Variants in LINGO2 observed in about 807,000 individuals in gnomAD.
LINGO2 encodes the protein leucine-rich repeat and immunoglobulin-like domain-containing nogo receptor-interacting protein 2.
In LINGO2, 14 loss-of-function variants were observed where a neutral mutation model predicts 30.6. The ratio of observed to expected loss-of-function variants is 0.46; its 90% CI spans 0.30 to 0.72. The LOEUF is 0.72. Ranked by LOEUF, LINGO2 falls within the 30% of genes least tolerant of loss-of-function variation. The pLI, the probability that LINGO2 is intolerant of heterozygous loss-of-function variation, is 0.07. For synonymous variants in LINGO2, 317 were observed against 288.5 expected, an observed-to-expected ratio of 1.10 and a Z score of -1.00; for missense variants, 729 against 751.7, an observed-to-expected ratio of 0.97 and a Z score of 0.35.
chr9:28,754,337 T>C, the LINGO2 span, among the ~76,000 whole-genome samples: 2 of 152,084 alleles, frequency 1.3e-5, no homozygotes, highest in Non-Finnish European at 2.9e-5. Context: ...TTGTAACGCA[T>C]ATGTGTCTGA....
the LINGO2 span, among the ~76,000 whole-genome samples, chr9:28,800,416 C>G: frequency 6.6e-6 from 1 of 152,084 alleles, no homozygotes; most frequent in Non-Finnish European, 1.5e-5. Context: ...AGTTACCTCT[C>G]TAGAGACTGT....
chr9:28,560,174 T>C (rs1338773155), intron 1 of LINGO2, among the ~76,000 whole-genome samples: 1 of 151,984 alleles, frequency 6.6e-6, no homozygotes, highest in African/African-American at 2.4e-5. Context: ...TGAGGATTAA[T>C]AGTATGTATC....
chr9:29,168,309 A>G, the LINGO2 span, among the ~76,000 whole-genome samples: 2 of 152,144 alleles, frequency 1.3e-5, no homozygotes, highest in Non-Finnish European at 2.9e-5. Context: ...TGTATGTTTG[A>G]TGTAATAGAC....
intron 4 of LINGO2, among the ~76,000 whole-genome samples, chr9:28,223,485 C>A (rs1587262192): frequency 6.6e-6 from 1 of 152,266 alleles, no homozygotes; most frequent in East Asian, 1.9e-4. Flanking sequence ...GTTACACTGG[C>A]CATTAAGTTT....
the LINGO2 span, among the ~76,000 whole-genome samples, chr9:28,793,901 A>C: frequency 3.3e-5 from 5 of 152,172 alleles, no homozygotes; most frequent in African/African-American, 1.2e-4. Flanking sequence ...ACACTATTTA[A>C]GGAACTGGGA....
chr9:28,592,119 G>A (rs1277128206), intron 1 of LINGO2, among the ~76,000 whole-genome samples: 2 of 152,054 alleles, frequency 1.3e-5, no homozygotes, highest in African/African-American at 2.4e-5. Context: ...TGTTCCTAGT[G>A]TTGTGGAACA....
the LINGO2 span, among the ~76,000 whole-genome samples, chr9:28,677,969 C>A: frequency 6.6e-6 from 1 of 151,738 alleles, no homozygotes; most frequent in Non-Finnish European, 1.5e-5. Context: ...ATTACTGCCA[C>A]CCCCACTCCA....
intron 5 of LINGO2, among the ~76,000 whole-genome samples, chr9:28,008,017 T>C (rs1291893892): frequency 6.6e-6 from 1 of 152,190 alleles, no homozygotes; most frequent in Non-Finnish European, 1.5e-5. Flanking sequence ...AGCGCATGTT[T>C]ACTGAATGAC....
the LINGO2 span, among the ~76,000 whole-genome samples, chr9:29,189,899 G>T: frequency 3.3e-3 from 494 of 151,586 alleles, 17 homozygotes; most frequent in African/African-American, 0.011. Flanking sequence ...GCAATCGCAG[G>T]CACTCAGCAG....
At chr9:28,608,886 G>A (rs1017879343) in intron 1 of LINGO2, among the ~76,000 whole-genome samples, 19 of 151,858 alleles carry the variant, frequency 1.3e-4, no homozygotes, top group African/African-American at 4.4e-4. Flanking sequence ...TTATTTAATT[G>A]AGTTCATTTG....
At chr9:28,441,577 C>A (rs1167296448) in intron 2 of LINGO2, among the ~76,000 whole-genome samples, 1 of 151,954 alleles carries the variant, frequency 6.6e-6, no homozygotes, top group Non-Finnish European at 1.5e-5. Flanking sequence ...TTTCTCATAC[C>A]AGTTGTCTAG....
chr9:28,637,206 C>G (rs6476083), intron 1 of LINGO2, among the ~76,000 whole-genome samples: 22,663 of 151,988 alleles, frequency 0.15, 2,442 homozygotes, highest in African/African-American at 0.3. Flanking sequence ...CCAGTACCAT[C>G]CTGTTTTGGT....
At chr9:27,990,464 C>CCT (rs905202853) in intron 5 of LINGO2, among the ~76,000 whole-genome samples, 3 of 102,224 alleles carry the variant, frequency 2.9e-5, no homozygotes, top group African/African-American at 7.2e-5. Flanking sequence ...GTCTCAATAC[C>CCT]CCCCCCCCTT....
chr9:28,182,743 A>C (rs901280178), intron 4 of LINGO2, among the ~76,000 whole-genome samples: 6 of 152,238 alleles, frequency 3.9e-5, no homozygotes, highest in Non-Finnish European at 7.3e-5. Context: ...ATGCAAATCA[A>C]AACCAAAATG....
chr9:29,078,455 C>A, the LINGO2 span, among the ~76,000 whole-genome samples: 254 of 152,054 alleles, frequency 1.7e-3, 2 homozygotes, highest in Admixed American at 3.4e-3. Flanking sequence ...TGTCTGCCAG[C>A]ACACAATTAT....
At chr9:29,191,471 G>GTT in the LINGO2 span, among the ~76,000 whole-genome samples, 2 of 149,136 alleles carry the variant, frequency 1.3e-5, no homozygotes, top group East Asian at 2.0e-4. Flanking sequence ...TTTTGTTTCT[G>GTT]TTTTTTTTTG....
intron 3 of LINGO2, among the ~76,000 whole-genome samples, chr9:28,366,995 T>C (rs1820704426): frequency 6.6e-6 from 1 of 152,142 alleles, no homozygotes; most frequent in Non-Finnish European, 1.5e-5. Context: ...CCTTTTTATC[T>C]TTCTCATCGA....
rs1827354789 is a variant in LINGO2, at chr9:28,130,628, A to G, written c.-86-118223T>C. ...CAATGTTATCAGAAAGCACATCATA[A>G]AAGTCATTAATAAATATAATAATAG... On this transcript the variant is annotated intron_variant, in intron 4 of 5. Coordinates refer to ENST00000379992, the Ensembl canonical transcript of LINGO2. This position sits in a 1 kb window ranked among gnomAD's most constrained non-coding sequence, Gnocchi z 5.2. Among the ~76,000 whole-genome samples, 1 of 152,176 alleles carries G rather than the reference A, an allele frequency of 6.6e-6. No individual in the cohort carries two copies. Among genetic ancestry groups the G allele is most frequent in the Non-Finnish European group, 1.5e-5 (1 of 68,014 alleles).
chr9:28,492,099 T>A (rs190064479), intron 1 of LINGO2, among the ~76,000 whole-genome samples: 4 of 152,188 alleles, frequency 2.6e-5, no homozygotes, highest in Non-Finnish European at 5.9e-5. Flanking sequence ...CAATTTCATA[T>A]CAGATTTCAA....
Sources: gnomAD v4.1 joint callset for allele counts (sites outside exome capture counted in the v4.1 genomes callset) on GRCh38, gnomAD v4.1.1 for gene constraint, Gnocchi (gnomAD v3.1) non-coding constraint, MANE v1.5 for transcripts, NCBI Gene and HGNC (gene_info 2026-07-23, HGNC 2026-07-21) for gene names.